Variants in PLPPR1 observed in about 807,000 individuals in gnomAD.
PLPPR1 encodes phospholipid phosphatase related 1, also known as phospholipid phosphatase-related protein type 1.
Under a neutral mutation model 33.1 loss-of-function variants are expected in PLPPR1, and 10 were observed. The ratio of observed to expected loss-of-function variants is 0.30; its 90% confidence interval spans 0.19 to 0.51. PLPPR1 has a LOEUF of 0.51. PLPPR1 is among the 20% of genes least tolerant of loss of function. PLPPR1 has a pLI of 0.97. For synonymous variants in PLPPR1, 151 were observed against 151.0 expected (o/e 1.00, Z 0.00); for missense variants, 304 against 408.1 (o/e 0.74, Z 2.20).
intron 2 of PLPPR1, among the ~76,000 whole-genome samples, chr9:101,245,036 C>T (rs1480216396): frequency 6.6e-6 from 1 of 151,990 alleles, no homozygotes; most frequent in African/African-American, 2.4e-5. Flanking sequence ...AGAATGGATC[C>T]TGTGAGTAGT....
At chr9:101,272,935 C>T (rs1368842660) in intron 3 of PLPPR1, among the ~76,000 whole-genome samples, 1 of 151,968 alleles carries the variant, frequency 6.6e-6, no homozygotes, top group Non-Finnish European at 1.5e-5. Flanking sequence ...TATAAAAATA[C>T]AAAGATTTGT....
intron 1 of PLPPR1, among the ~76,000 whole-genome samples, chr9:101,172,878 G>A (rs1405106963): frequency 6.6e-6 from 1 of 152,012 alleles, no homozygotes; most frequent in Non-Finnish European, 1.5e-5. Context: ...CATCTTTCAA[G>A]GATCATTGCA....
chr9:101,181,925 A>G (rs1158532220), intron 1 of PLPPR1, among the ~76,000 whole-genome samples: 3 of 149,954 alleles, frequency 2.0e-5, no homozygotes, highest in Non-Finnish European at 3.0e-5. Flanking sequence ...GTGTATGTGT[A>G]TATATATATA....
At chr9:101,211,233 G>T (rs899125321) in intron 2 of PLPPR1, among the ~76,000 whole-genome samples, 13 of 152,122 alleles carry the variant, frequency 8.5e-5, no homozygotes. Flanking sequence ...CCCAGGAGCT[G>T]TCCTAGTACT....
chr9:101,124,062 T>G (rs1414722081), intron 1 of PLPPR1, among the ~76,000 whole-genome samples: 1 of 152,196 alleles, frequency 6.6e-6, no homozygotes, highest in Non-Finnish European at 1.5e-5. Flanking sequence ...TTACTATCAT[T>G]ATTACTAGCT....
intron 2 of PLPPR1, among the ~76,000 whole-genome samples, chr9:101,197,663 C>T (rs1826422345): frequency 6.6e-6 from 1 of 152,194 alleles, no homozygotes; most frequent in Non-Finnish European, 1.5e-5. Flanking sequence ...GCACCAAAAT[C>T]AGTGTCTGTT....
At chr9:101,289,008 C>A (rs1274363633) in intron 4 of PLPPR1, among the ~76,000 whole-genome samples, 1 of 152,144 alleles carries the variant, frequency 6.6e-6, no homozygotes, top group Non-Finnish European at 1.5e-5. Flanking sequence ...CCTACAGAGC[C>A]CTTCACAATC....
chr9:101,041,138 C>T (rs914978805), intron 1 of PLPPR1, among the ~76,000 whole-genome samples: 15 of 152,244 alleles, frequency 9.9e-5, no homozygotes, highest in Admixed American at 3.3e-4. Flanking sequence ...ACCTGGGTTT[C>T]GAGTACATGG....
At chr9:101,221,280 A>C (rs1020530078) in intron 2 of PLPPR1, among the ~76,000 whole-genome samples, 2 of 152,024 alleles carry the variant, frequency 1.3e-5, no homozygotes, top group Non-Finnish European at 2.9e-5. Flanking sequence ...AATCCATTGT[A>C]TCATTCTTAT....
At position 101,158,608 on chromosome 9, in the gene PLPPR1, G is replaced by A. The variant is rs1831730067; in HGVS notation, c.-45-26842G>A. Among the ~76,000 whole-genome samples, 3 of 152,212 alleles carry A rather than the reference G, an allele frequency of 2.0e-5. No homozygotes were observed. The South Asian group carries it at 6.2e-4, about 31-fold the overall frequency. On this transcript the variant is annotated intron_variant, in intron 1 of 7. Transcript: ENST00000374874. The stretch of plus-strand genomic sequence containing the variant: ...CGCTGGAACTTAACTCAGTGGGAAA[G>A]TCTGTAACAGTGTAAAATGCATGCC...
chr9:101,237,748 T>TAC (rs1170254395), intron 2 of PLPPR1, among the ~76,000 whole-genome samples: 3 of 141,994 alleles, frequency 2.1e-5, no homozygotes, highest in African/African-American at 5.1e-5. Flanking sequence ...TATATATATA[T>TAC]ACATATAGGC....
chr9:101,160,069 CT>C (rs1831752876), intron 1 of PLPPR1, among the ~76,000 whole-genome samples: 1 of 151,816 alleles, frequency 6.6e-6, no homozygotes, highest in Non-Finnish European at 1.5e-5. Context: ...ATGAAAAGGC[CT>C]CTTCAAAACC....
chr9:101,092,219 CT>C (rs1285608073), intron 1 of PLPPR1, among the ~76,000 whole-genome samples: 3 of 152,156 alleles, frequency 2.0e-5, no homozygotes, highest in Admixed American at 1.3e-4. Flanking sequence ...ATGTCACTTT[CT>C]TTAGGAAGCC....
At chr9:101,091,636 A>G (rs1211198788) in intron 1 of PLPPR1, among the ~76,000 whole-genome samples, 3 of 152,194 alleles carry the variant, frequency 2.0e-5, no homozygotes, top group African/African-American at 7.2e-5. Context: ...ATTTAAGGTC[A>G]TCTGGTTAGC....
chr9:101,240,561 T>A (rs1487596828), intron 2 of PLPPR1, among the ~76,000 whole-genome samples: 1 of 152,034 alleles, frequency 6.6e-6, no homozygotes, highest in Non-Finnish European at 1.5e-5. Context: ...GTCTTTGAAC[T>A]AAGTAGAAAA....
At chr9:101,250,680 G>A (rs999692191) in intron 2 of PLPPR1, among the ~76,000 whole-genome samples, 1 of 151,920 alleles carries the variant, frequency 6.6e-6, no homozygotes, top group African/African-American at 2.4e-5. Context: ...CTGCCTCCTT[G>A]CTGCAGTTAT....
At chr9:101,272,871 G>A (rs1278439178) in intron 3 of PLPPR1, among the ~76,000 whole-genome samples, 3 of 152,116 alleles carry the variant, frequency 2.0e-5, no homozygotes, top group Non-Finnish European at 4.4e-5. Flanking sequence ...TGTTAAAGAT[G>A]TATTAAGAGC....
intron 1 of PLPPR1, among the ~76,000 whole-genome samples, chr9:101,172,792 C>T (rs1170617879): frequency 2.0e-5 from 3 of 152,166 alleles, no homozygotes; most frequent in African/African-American, 7.2e-5. Flanking sequence ...GCCTGGATTC[C>T]CCTTGTTGTA....
Position 101,324,211 on chromosome 9 carries a change from G to T in PLPPR1, c.*154G>T. 1.4e-5 allele frequency: 7 copies of T among 485,494 alleles called. No homozygotes were observed. Among genetic ancestry groups the T allele is most frequent in the South Asian group, 3.8e-5 (1 of 26,642 alleles). The allele number at this position is 485,494 out of a possible 1,614,324, so 30.1% of individuals were successfully genotyped here. On this transcript the variant is annotated 3_prime_UTR_variant, in exon 8 of 8. Transcript: ENST00000374874. Reference sequence around the variant, plus strand: ...TACATTTTTTGTATGAGGAAGTGATGTAGCTTGCCCTGATTTTTTTTTTTT... The same window carrying T: ...TACATTTTTTGTATGAGGAAGTGATTTAGCTTGCCCTGATTTTTTTTTTTT...
Sources: allele counts gnomAD v4.1 joint callset (sites outside exome capture counted in the v4.1 genomes callset), GRCh38; gene constraint gnomAD v4.1.1; transcripts MANE v1.5; gene names NCBI Gene and HGNC (gene_info 2026-07-23, HGNC 2026-07-21).